ZNF90: variants seen among roughly 807,000 people sequenced by gnomAD.
The protein encoded by ZNF90 is zinc finger protein HTF9.
ZNF90 carries 11 observed loss-of-function variants against 12.0 expected under a neutral mutation model. That is an observed-to-expected ratio of 0.92 (90% confidence interval 0.58 to 1.52). The LOEUF is 1.52. Ranked by LOEUF, ZNF90 falls within the 40% of genes most tolerant of loss-of-function variation. The pLI, the probability that ZNF90 is intolerant of heterozygous loss-of-function variation, is 0.00. For synonymous variants in ZNF90, 232 were observed against 240.1 expected, an observed-to-expected ratio of 0.97 and a Z score of 0.31; for missense variants, 765 against 711.5, an observed-to-expected ratio of 1.08 and a Z score of -0.86.
chr19:20,109,873 G>T (rs1450949483), intron 3 of ZNF90, among the ~76,000 whole-genome samples: 1 of 151,912 alleles, frequency 6.6e-6, no homozygotes, highest in Admixed American at 6.6e-5. Flanking sequence ...CAGGCATGTT[G>T]TTATGCAAAA....
chr19:20,092,204 A>G (rs1354494408), intron 1 of ZNF90, among the ~76,000 whole-genome samples: 3 of 152,194 alleles, frequency 2.0e-5, no homozygotes, highest in Non-Finnish European at 2.9e-5. Context: ...GGGAGCAGAA[A>G]GTATATGTGT....
chr19:20,096,848 CT>C (rs2088951324), intron 1 of ZNF90, among the ~76,000 whole-genome samples: 1 of 152,158 alleles, frequency 6.6e-6, no homozygotes. Context: ...AGCCACTGCT[CT>C]AAGTAGCCAA....
Position 20,120,809 on chromosome 19 carries a change from T to C in ZNF90, c.*1449T>C, listed in dbSNP as rs2089188696. On this transcript the variant is annotated 3_prime_UTR_variant, in exon 4 of 4. Transcript: ENST00000418063. ...TACTTGCTTTCTTGAGAAAAAATTT[T>C]TGAAAAGTGAATAAGGTAATAGAGC... 6.6e-6 allele frequency: 1 copy of C among 152,218 alleles called. No individual in the cohort carries two copies. The highest frequency in any genetic ancestry group is 2.4e-5 in the African/African-American group (1 of 41,464). The allele number at this position is 152,218 out of a possible 1,614,324, so 9.4% of individuals were successfully genotyped here.
rs1555705882 is a variant in ZNF90, at chr19:20,118,000, C to A, written c.446C>A (p.Thr149Lys). 1 of 1,612,722 alleles carries A rather than the reference C, an allele frequency of 6.2e-7. No individual in the cohort carries two copies. The highest frequency in any genetic ancestry group is 2.2e-5 in the East Asian group (1 of 44,868). The stretch of plus-strand genomic sequence containing the variant: ...CAGAGCAAAGTATTTCAATGTGATA[C>A]ATATGTGAAAGTCTCTCATATATTT... ...ATQSKVFQCD[T>K]YVKVSHIFSN... Residue 149 changes from threonine to lysine, a missense_variant, in exon 4 of 4, where the codon ACA becomes AAA. By Grantham distance (78) the Thr-to-Lys change is moderately conservative. Coordinates refer to ENST00000418063, the MANE Select transcript of ZNF90 (RefSeq NM_007138.2).
At chr19:20,086,408 G>A (rs973852231) in intron 1 of ZNF90, among the ~76,000 whole-genome samples, 26 of 151,234 alleles carry the variant, frequency 1.7e-4, no homozygotes, top group African/African-American at 6.3e-4. Context: ...CTAAATTATT[G>A]TATTTATAGT....
intron 3 of ZNF90, 55 bp from the exon 4 acceptor site, chr19:20,117,726 C>T: frequency 2.8e-6 from 4 of 1,421,854 alleles, no homozygotes; most frequent in East Asian, 2.6e-5. Context: ...TAAATGTAAC[C>T]TGTATTTATC....
At chr19:20,081,023 CAG>C (rs1289645318) in intron 1 of ZNF90, among the ~76,000 whole-genome samples, 5 of 152,262 alleles carry the variant, frequency 3.3e-5, no homozygotes, top group African/African-American at 1.2e-4. Context: ...CCCAGGGTGA[CAG>C]AGGACTGAAA....
chr19:20,089,220 G>T (rs2122483675), intron 1 of ZNF90, among the ~76,000 whole-genome samples: 1 of 152,274 alleles, frequency 6.6e-6, no homozygotes, highest in East Asian at 1.9e-4. Context: ...TGGTGTATGA[G>T]AAAACATTGA....
chr19:20,089,428 A>G (rs559912357), intron 1 of ZNF90, among the ~76,000 whole-genome samples: 98 of 152,244 alleles, frequency 6.4e-4, no homozygotes, highest in African/African-American at 2.3e-3. Context: ...TGTCTGTAAT[A>G]TGCAGCTGGA....
At chr19:20,079,357 T>C (rs1404287829) in intron 1 of ZNF90, among the ~76,000 whole-genome samples, 1 of 151,356 alleles carries the variant, frequency 6.6e-6, no homozygotes, top group Non-Finnish European at 1.5e-5. Context: ...GCAGTTAAGA[T>C]TAAGATGAAA....
At chr19:20,101,157 C>G (rs1380427204) in intron 1 of ZNF90, among the ~76,000 whole-genome samples, 10 of 152,220 alleles carry the variant, frequency 6.6e-5, no homozygotes. Context: ...AGGGTGTCCG[C>G]TGTGCTCCTT....
At chr19:20,078,575 A>G (rs2088795724) in intron 1 of ZNF90, among the ~76,000 whole-genome samples, 2 of 152,148 alleles carry the variant, frequency 1.3e-5, no homozygotes, top group East Asian at 3.9e-4. Context: ...TGGGAGGTCG[A>G]GGCGAGCGGA....
intron 1 of ZNF90, among the ~76,000 whole-genome samples, chr19:20,088,969 G>A (rs2088881116): frequency 1.3e-5 from 2 of 152,172 alleles, no homozygotes; most frequent in Admixed American, 6.5e-5. Flanking sequence ...TGGGGGTAAG[G>A]AAGACTAGTG....
intron 1 of ZNF90, among the ~76,000 whole-genome samples, chr19:20,080,922 C>T (rs1298729064): frequency 1.3e-5 from 2 of 152,146 alleles, no homozygotes; most frequent in Admixed American, 6.5e-5. Flanking sequence ...GGAGGCCTGG[C>T]CTGGAATAAA....
Position 20,081,918 on chromosome 19 carries a change from C to T in ZNF90, c.3+3783C>T, listed in dbSNP as rs182837900. Among the ~76,000 whole-genome samples, 354 of 152,164 alleles carry T rather than the reference C, an allele frequency of 2.3e-3. 2 individuals carry two copies. Among genetic ancestry groups the T allele is most frequent in the African/African-American group, 7.9e-3 (330 of 41,524 alleles). On this transcript the variant is annotated intron_variant, in intron 1 of 3. Transcript: ENST00000418063. ...CAGCTGGGACTACAGGCACGTGCCA[C>T]TACCCCCGGCTAATTTTTTGTATTT...
At chr19:20,109,414 T>G (rs1182846425) in intron 3 of ZNF90, among the ~76,000 whole-genome samples, 1 of 152,118 alleles carries the variant, frequency 6.6e-6, no homozygotes, top group Non-Finnish European at 1.5e-5. Context: ...CACCATGTGT[T>G]TAATAATTAA....
intron 1 of ZNF90, among the ~76,000 whole-genome samples, chr19:20,094,049 T>C (rs1097511): frequency 0.27 from 41,170 of 152,134 alleles, 6,313 homozygotes; most frequent in East Asian, 0.48. Flanking sequence ...CTGCGGGCAT[T>C]CCTTGGCCCA....
chr19:20,083,578 C>T (rs1555701759), intron 1 of ZNF90, among the ~76,000 whole-genome samples: 3 of 152,156 alleles, frequency 2.0e-5, no homozygotes, highest in Non-Finnish European at 4.4e-5. Flanking sequence ...TATCCCACTT[C>T]AGCCTCCCAA....
intron 3 of ZNF90, among the ~76,000 whole-genome samples, chr19:20,113,460 T>C (rs2089108290): frequency 6.6e-6 from 1 of 151,890 alleles, no homozygotes; most frequent in Admixed American, 6.5e-5. Context: ...CCCAAAGTGC[T>C]GGGATACAGG....
Sources: allele counts gnomAD v4.1 joint callset (sites outside exome capture counted in the v4.1 genomes callset), GRCh38; gene constraint gnomAD v4.1.1; transcripts MANE v1.5; gene names NCBI Gene and HGNC (gene_info 2026-07-23, HGNC 2026-07-21).